SIPA1L3: variants seen among roughly 807,000 people sequenced by gnomAD.
The protein encoded by SIPA1L3 is signal induced proliferation associated 1 like 3, also known as signal-induced proliferation-associated 1-like protein 3.
SIPA1L3 carries 59 observed loss-of-function variants against 150.1 expected under a neutral mutation model. The observed-to-expected ratio is 0.39, with a 90% CI of 0.32 to 0.49. The LOEUF (loss-of-function observed/expected upper bound fraction) is 0.49. SIPA1L3 is among the 20% of genes least tolerant of loss of function. The probability of loss-of-function intolerance (pLI) is 0.86; values close to 1 mark genes in which losing one functional copy is unlikely to be tolerated. For synonymous variants in SIPA1L3, 1,070 were observed against 1,077.6 expected (o/e 0.99, Z 0.14); for missense variants, 2,211 against 2,489.5 (o/e 0.89, Z 2.38).
chr19:38,045,662 G>C (rs772192557), intron 2 of SIPA1L3, among the ~76,000 whole-genome samples: 1 of 152,064 alleles, frequency 6.6e-6, no homozygotes, highest in East Asian at 1.9e-4. Context: ...TGGGGTGGGC[G>C]TGGGAGTGTC....
intron 15 of SIPA1L3, among the ~76,000 whole-genome samples, chr19:38,172,073 A>G (rs1972340600): frequency 6.6e-6 from 1 of 152,200 alleles, no homozygotes; most frequent in Non-Finnish European, 1.5e-5. Flanking sequence ...GCAGCGAGAC[A>G]GGAGGCAAAG....
At chr19:38,115,809 TC>T (rs1970868932) in intron 8 of SIPA1L3, among the ~76,000 whole-genome samples, 1 of 152,218 alleles carries the variant, frequency 6.6e-6, no homozygotes, top group Non-Finnish European at 1.5e-5. Flanking sequence ...CTGTTCCCTT[TC>T]CTCATCTTTA....
chr19:38,095,564 T>C (rs1037366832), intron 4 of SIPA1L3, among the ~76,000 whole-genome samples: 5 of 152,214 alleles, frequency 3.3e-5, no homozygotes, highest in African/African-American at 1.2e-4. Context: ...GACTAGCTGA[T>C]GCCAGATGTT....
intron 1 of SIPA1L3, among the ~76,000 whole-genome samples, chr19:37,924,791 G>A (rs2046487949): frequency 6.6e-6 from 1 of 151,992 alleles, no homozygotes; most frequent in Non-Finnish European, 1.5e-5. Flanking sequence ...GCTCACGCCT[G>A]TAATCCCAGC....
At chr19:38,045,534 T>A (rs1969036997) in intron 2 of SIPA1L3, among the ~76,000 whole-genome samples, 1 of 151,978 alleles carries the variant, frequency 6.6e-6, no homozygotes, top group Non-Finnish European at 1.5e-5. Context: ...ATCACGCCAC[T>A]GCACTCCAGC....
chr19:37,956,037 G>C (rs2046807576), intron 1 of SIPA1L3, among the ~76,000 whole-genome samples: 1 of 152,182 alleles, frequency 6.6e-6, no homozygotes, highest in South Asian at 2.1e-4. Context: ...GGAGTACAAT[G>C]GCTATTCACA....
At chr19:38,012,280 C>T (rs1599902573) in intron 1 of SIPA1L3, among the ~76,000 whole-genome samples, 1 of 151,936 alleles carries the variant, frequency 6.6e-6, no homozygotes, top group African/African-American at 2.4e-5. Flanking sequence ...AGATGGGGGT[C>T]TCACTATGTT....
intron 13 of SIPA1L3, among the ~76,000 whole-genome samples, chr19:38,159,144 C>G (rs10401829): frequency 0.011 from 1,678 of 152,340 alleles, 31 homozygotes; most frequent in African/African-American, 0.038. Context: ...TCCCCACTTT[C>G]TCGCATCCAT....
At chr19:38,013,681 G>C (rs1342258872) in intron 1 of SIPA1L3, among the ~76,000 whole-genome samples, 1 of 152,142 alleles carries the variant, frequency 6.6e-6, no homozygotes, top group Non-Finnish European at 1.5e-5. Context: ...CAACTCCTGA[G>C]AATCTACCAT....
chr19:37,984,200 A>G (rs1967282929), intron 1 of SIPA1L3, among the ~76,000 whole-genome samples: 1 of 152,220 alleles, frequency 6.6e-6, no homozygotes, highest in African/African-American at 2.4e-5. Flanking sequence ...ATCCTTACTA[A>G]TGTGTGACCT....
intron 15 of SIPA1L3, among the ~76,000 whole-genome samples, chr19:38,182,235 C>T (rs192080760): frequency 2.0e-5 from 3 of 152,042 alleles, no homozygotes; most frequent in South Asian, 4.2e-4. Flanking sequence ...CCTTTAGCTG[C>T]GTAGGTTGTA....
chr19:38,189,762 T>C (rs1025280560), intron 16 of SIPA1L3, among the ~76,000 whole-genome samples: 1 of 152,000 alleles, frequency 6.6e-6, no homozygotes, highest in African/African-American at 2.4e-5. Context: ...CAAGACCCTG[T>C]CTCAAAAAAA....
chr19:38,116,231 C>G (rs556461909), intron 8 of SIPA1L3, among the ~76,000 whole-genome samples: 110 of 152,074 alleles, frequency 7.2e-4, no homozygotes, highest in African/African-American at 2.6e-3. Context: ...ATAAAGAGAC[C>G]GGGTGCAGTG....
At chr19:38,010,516 G>T (rs1398168855) in intron 1 of SIPA1L3, among the ~76,000 whole-genome samples, 1 of 151,844 alleles carries the variant, frequency 6.6e-6, no homozygotes, top group East Asian at 1.9e-4. Context: ...TTCAAGACCA[G>T]CCTGGCCAAC....
intron 1 of SIPA1L3, among the ~76,000 whole-genome samples, chr19:37,961,617 A>G (rs2046859184): frequency 1.3e-5 from 2 of 152,148 alleles, no homozygotes. Flanking sequence ...TTTATTGTAT[A>G]TGGAGTTTCT....
intron 4 of SIPA1L3, among the ~76,000 whole-genome samples, chr19:38,091,074 A>T (rs1029699666): frequency 1.3e-5 from 2 of 152,126 alleles, no homozygotes; most frequent in African/African-American, 4.8e-5. Flanking sequence ...GGGTGGTGAA[A>T]TGACGCCTAC....
chr19:38,197,302 T>C (rs1199349061), intron 18 of SIPA1L3, among the ~76,000 whole-genome samples: 1 of 151,964 alleles, frequency 6.6e-6, no homozygotes, highest in East Asian at 1.9e-4. Context: ...TCTGTCCCCT[T>C]CCCTCAGGGG....
rs553986432 is a variant in SIPA1L3 at position 37,955,844 on chromosome 19, T to C, written c.-379+48486T>C. Reference sequence around the variant, plus strand: ...GGATTGTTTCCAGTTTGGGCTAGTATGAGTAGTGCTGTTATAGACATTTAT... The same window carrying C: ...GGATTGTTTCCAGTTTGGGCTAGTACGAGTAGTGCTGTTATAGACATTTAT... On this transcript the variant is annotated intron_variant, in intron 1 of 21. Transcript: ENST00000222345. Among the ~76,000 whole-genome samples, 62 of 152,354 alleles carry C rather than the reference T, an allele frequency of 4.1e-4. No individual in the cohort carries two copies. In the South Asian group the frequency reaches 0.013, roughly 32 times the overall value.
At chr19:37,968,072 TC>T (rs1167889440) in intron 1 of SIPA1L3, among the ~76,000 whole-genome samples, 1 of 151,118 alleles carries the variant, frequency 6.6e-6, no homozygotes, top group African/African-American at 2.4e-5. Flanking sequence ...TCTCTTTCTT[TC>T]TTTCTTTCTT....
Sources: allele counts gnomAD v4.1 joint callset (sites outside exome capture counted in the v4.1 genomes callset), GRCh38; gene constraint gnomAD v4.1.1; transcripts MANE v1.5; gene names NCBI Gene and HGNC (gene_info 2026-07-23, HGNC 2026-07-21).